Variants in PPM1B observed in about 807,000 individuals in gnomAD.
PPM1B encodes the protein protein phosphatase, Mg2+/Mn2+ dependent 1B.
In PPM1B, 22 loss-of-function variants were observed where a neutral mutation model predicts 43.0. The ratio of observed to expected loss-of-function variants is 0.51; its 90% CI spans 0.37 to 0.73. The LOEUF (loss-of-function observed/expected upper bound fraction) is 0.73, where lower values mean the gene tolerates loss of function less well. PPM1B is among the 30% of genes least tolerant of loss of function. The pLI is 0.00. For synonymous variants in PPM1B, 217 were observed against 197.9 expected (o/e 1.10, Z -0.81); for missense variants, 632 against 584.2 (o/e 1.08, Z -0.84).
chr2:44,199,257 C>CAA (rs532178447), intron 1 of PPM1B, among the ~76,000 whole-genome samples: 2 of 33,946 alleles, frequency 5.9e-5, no homozygotes, highest in African/African-American at 1.1e-4. Flanking sequence ...GATTCCATCT[C>CAA]AAAAAAAAAA....
chr2:44,193,886 T>C (rs1001110375), intron 1 of PPM1B, among the ~76,000 whole-genome samples: 1 of 151,574 alleles, frequency 6.6e-6, no homozygotes. Flanking sequence ...GCATAAAAAA[T>C]TTTTTTTTAT....
chr2:44,199,373 C>T (rs1049741229), intron 1 of PPM1B, among the ~76,000 whole-genome samples: 1 of 150,590 alleles, frequency 6.6e-6, no homozygotes, highest in Non-Finnish European at 1.5e-5. Flanking sequence ...CCTGTAGTCC[C>T]AGCTACTTGG....
intron 1 of PPM1B, among the ~76,000 whole-genome samples, chr2:44,193,412 T>A (rs1023421991): frequency 4.0e-5 from 6 of 151,182 alleles, no homozygotes; most frequent in African/African-American, 1.5e-4. Context: ...TTGAAAAAAA[T>A]TTTTTTAGAG....
rs1448208868 is a variant in PPM1B, at chr2:44,230,810, A to G, written c.*92A>G. ...TTTATATAACTGTTTTGTTATTTGAATCTTGGAAAACTAGTTTTATTATAT... is the reference window on the plus strand; with the variant it reads ...TTTATATAACTGTTTTGTTATTTGAGTCTTGGAAAACTAGTTTTATTATAT... On this transcript the variant is annotated 3_prime_UTR_variant, in exon 6 of 6. Coordinates refer to ENST00000282412, the MANE Select transcript of PPM1B (RefSeq NM_002706.6). The G allele has an allele frequency of 6.7e-7, 1 of 1,491,934 alleles. No individual in the cohort carries two copies. The highest frequency in any genetic ancestry group is 1.4e-5 in the African/African-American group (1 of 70,654). The allele number at this position is 1,491,934 out of a possible 1,614,324, so 92.4% of individuals were successfully genotyped here.
intron 2 of PPM1B, 45 bp downstream of exon 2, chr2:44,202,090 A>T: frequency 6.9e-7 from 1 of 1,457,696 alleles, no homozygotes; most frequent in Non-Finnish European, 9.1e-7. Context: ...TAATTTTGAA[A>T]AGTTACGGTA....
At chr2:44,241,281 G>C (rs1182748862) in intron 5 of PPM1B, among the ~76,000 whole-genome samples, 1 of 143,820 alleles carries the variant, frequency 7.0e-6, no homozygotes, top group African/African-American at 2.5e-5. Context: ...GGGATTACAG[G>C]TGTGAGCCAC....
intron 1 of PPM1B, among the ~76,000 whole-genome samples, chr2:44,171,014 T>TA (rs1667315057): frequency 6.6e-6 from 1 of 152,202 alleles, no homozygotes; most frequent in Non-Finnish European, 1.5e-5. Flanking sequence ...CATGAAGTCT[T>TA]ACAACAGTTT....
chr2:44,237,563 C>G (rs1670652425), downstream of PPM1B, among the ~76,000 whole-genome samples: 1 of 152,156 alleles, frequency 6.6e-6, no homozygotes, highest in Non-Finnish European at 1.5e-5. Flanking sequence ...TAAGTATCCA[C>G]AACTCCAGTG....
intron 1 of PPM1B, among the ~76,000 whole-genome samples, chr2:44,172,126 A>G (rs566394659): frequency 7.2e-5 from 11 of 152,322 alleles, no homozygotes; most frequent in African/African-American, 2.6e-4. Flanking sequence ...AAAATGTGAA[A>G]TCATGATTAT....
chr2:44,200,055 A>G lies in PPM1B; in HGVS notation c.-14-1131A>G, dbSNP rs576334652. Among the ~76,000 whole-genome samples, 14 of 152,328 alleles carry G rather than the reference A, an allele frequency of 9.2e-5. No individual in the cohort carries two copies. In the South Asian group the frequency reaches 2.7e-3, roughly 29 times the overall value. On this transcript the variant is annotated intron_variant, in intron 1 of 5. Transcript: ENST00000282412. ...TTTTTGATGATTCCATCTAAGATCT[A>G]TTGAAAAAAATCCTTAGGTGTGGGA... is the stretch of plus-strand genomic sequence containing the variant.
downstream of PPM1B, chr2:44,232,650 G>T: frequency 1.7e-6 from 2 of 1,179,086 alleles, no homozygotes; most frequent in Non-Finnish European, 2.1e-6. Flanking sequence ...ATGTGCCTGA[G>T]GTGCATGGGA....
At chr2:44,233,179 T>C (rs190268494), downstream of PPM1B, 3 of 946,740 alleles carry the variant, frequency 3.2e-6, no homozygotes, top group East Asian at 3.5e-4. Context: ...TTTTTTCAGC[T>C]TTTAAGATAC....
intron 1 of PPM1B, among the ~76,000 whole-genome samples, chr2:44,171,829 C>CAAAA (rs58214419): frequency 3.4e-5 from 4 of 118,762 alleles, no homozygotes; most frequent in African/African-American, 6.9e-5. Flanking sequence ...GACTCTGTCT[C>CAAAA]AAAAAAAAAA....
At chr2:44,179,024 G>A (rs1350869684) in intron 1 of PPM1B, among the ~76,000 whole-genome samples, 1 of 152,196 alleles carries the variant, frequency 6.6e-6, no homozygotes, top group Admixed American at 6.5e-5. Context: ...ATTCCCAGGT[G>A]TTCTGAGAGG....
chr2:44,202,644 T>C (rs367765604), intron 2 of PPM1B, among the ~76,000 whole-genome samples: 2 of 152,216 alleles, frequency 1.3e-5, no homozygotes, highest in Middle Eastern at 3.2e-3. Context: ...TTGTAGAAGA[T>C]AAAATTCTTT....
chr2:44,198,618 C>T (rs1391661295), intron 1 of PPM1B, among the ~76,000 whole-genome samples: 1 of 152,144 alleles, frequency 6.6e-6, no homozygotes, highest in Admixed American at 6.6e-5. Flanking sequence ...GTTCCTTGGT[C>T]CCTCAAATAA....
intron 1 of PPM1B, among the ~76,000 whole-genome samples, chr2:44,187,595 G>A (rs184921378): frequency 3.3e-5 from 5 of 152,242 alleles, no homozygotes; most frequent in Non-Finnish European, 7.4e-5. Flanking sequence ...CTGCCTCTCC[G>A]CCAAGCAGTA....
At chr2:44,244,764 T>A (rs1257230274), downstream of PPM1B, among the ~76,000 whole-genome samples, 1 of 150,618 alleles carries the variant, frequency 6.6e-6, no homozygotes. Flanking sequence ...AGACCTTTTT[T>A]TTTTTTTACT....
chr2:44,245,926 A>C (rs1182979640), downstream of PPM1B, among the ~76,000 whole-genome samples: 2 of 152,076 alleles, frequency 1.3e-5, no homozygotes, highest in Non-Finnish European at 2.9e-5. Flanking sequence ...CTGTCCTCAA[A>C]CTCTGCGCTT....
Sources: gnomAD v4.1 joint callset for allele counts (sites outside exome capture counted in the v4.1 genomes callset) on GRCh38, gnomAD v4.1.1 for gene constraint, MANE v1.5 for transcripts, NCBI Gene and HGNC (gene_info 2026-07-23, HGNC 2026-07-21) for gene names.